The following GBA1 variants were observed in gnomAD, a reference collection of about 807,000 sequenced individuals.
GBA1 encodes glucosylceramidase beta 1.
chr1:155,236,772 T>C, the GBA1 span, among the ~76,000 whole-genome samples: 2 of 151,964 alleles, frequency 1.3e-5, no homozygotes, highest in African/African-American at 2.4e-5. Context: ...TGTGTGTGTA[T>C]GTATGTGTGT....
the GBA1 span, chr1:155,240,673 G>A: frequency 1.2e-6 from 2 of 1,613,696 alleles, no homozygotes; most frequent in South Asian, 1.1e-5. Context: ...ATCCTGTGAG[G>A]CTGCCAGCCA....
At chr1:155,235,919 T>A in the GBA1 span, 1 of 1,573,632 alleles carries the variant, frequency 6.4e-7, no homozygotes, top group Non-Finnish European at 8.7e-7. Flanking sequence ...AAGGGTCACA[T>A]GTGGGAGAGG....
the GBA1 span, chr1:155,240,057 T>C: frequency 2.2e-5 from 35 of 1,613,682 alleles, no homozygotes; most frequent in African/African-American, 2.0e-4. Flanking sequence ...CCGAAGCTTT[T>C]AGGGATGCAG....
At chr1:155,241,321 C>T in the GBA1 span, 37 of 630,192 alleles carry the variant, frequency 5.9e-5, no homozygotes, top group Admixed American at 7.3e-4. Flanking sequence ...GCAATCACAG[C>T]CATATTTCTA....
At chr1:155,236,504 A>T in the GBA1 span, 1 of 1,533,942 alleles carries the variant, frequency 6.5e-7, no homozygotes, top group Non-Finnish European at 9.0e-7. Flanking sequence ...TGGACCTTGC[A>T]CACAGGCTTC....
At chr1:155,236,542 T>C in the GBA1 span, 2 of 1,263,242 alleles carry the variant, frequency 1.6e-6, no homozygotes, top group African/African-American at 2.9e-5. Context: ...GTTGTAGGAA[T>C]CCTGGAGTTG....
the GBA1 span, chr1:155,239,736 G>A: frequency 6.2e-7 from 1 of 1,614,058 alleles, no homozygotes; most frequent in Non-Finnish European, 8.5e-7. Flanking sequence ...TGGAACTTCT[G>A]TTCTGGCTGC....
the GBA1 span, among the ~76,000 whole-genome samples, chr1:155,237,025 C>T: frequency 3.0e-5 from 4 of 132,144 alleles, no homozygotes; most frequent in Non-Finnish European, 6.3e-5. Context: ...CCATCATGCC[C>T]AGATAATTTT....
At chr1:155,240,190 G>C in the GBA1 span, 2 of 949,962 alleles carry the variant, frequency 2.1e-6, no homozygotes, top group Non-Finnish European at 3.2e-6. Context: ...TTGGCCGGGC[G>C]CAGGGGCTCA....
chr1:155,236,657 G>A, the GBA1 span, among the ~76,000 whole-genome samples: 3 of 152,046 alleles, frequency 2.0e-5, no homozygotes, highest in Admixed American at 6.5e-5. Flanking sequence ...GCGCAATCAC[G>A]ACTCACTGCA....
the GBA1 span, chr1:155,237,655 A>C: frequency 6.3e-7 from 1 of 1,590,644 alleles, no homozygotes; most frequent in Non-Finnish European, 8.6e-7. Context: ...TCACACCTGT[A>C]ATCCCAGCAC....
the GBA1 span, chr1:155,237,858 C>T: frequency 2.6e-5 from 17 of 655,688 alleles, no homozygotes; most frequent in African/African-American, 1.3e-4. Context: ...GTGAAGATGG[C>T]GCCACAGCAC....
At chr1:155,236,073 G>T in the GBA1 span, 72 of 749,672 alleles carry the variant, frequency 9.6e-5, no homozygotes, top group East Asian at 1.3e-3. Context: ...GGGCAATGAG[G>T]TGTGCAGACC....
the GBA1 span, chr1:155,235,922 G>A: frequency 6.4e-7 from 1 of 1,563,786 alleles, no homozygotes; most frequent in Non-Finnish European, 8.8e-7. Flanking sequence ...GGTCACATGT[G>A]GGAGAGGCAG....
the GBA1 span, chr1:155,239,570 G>A: frequency 1.6e-5 from 25 of 1,610,484 alleles, no homozygotes; most frequent in Admixed American, 5.0e-5. Context: ...AAAGAAAAAC[G>A]AAAAGTTTCA....
the GBA1 span, chr1:155,236,156 C>T: frequency 2.5e-5 from 29 of 1,164,848 alleles, no homozygotes; most frequent in Non-Finnish European, 3.5e-5. Flanking sequence ...CTGGGGAAAG[C>T]TGGACAGGAA....
chr1:155,241,672 G>A, the GBA1 span, among the ~76,000 whole-genome samples: 2 of 152,162 alleles, frequency 1.3e-5, no homozygotes, highest in South Asian at 2.1e-4. Context: ...AGACAGAAAC[G>A]GTAACAGGTG....
At chr1:155,236,220 A>C in the GBA1 span, 1 of 1,592,494 alleles carries the variant, frequency 6.3e-7, no homozygotes, top group East Asian at 2.2e-5. Flanking sequence ...TCTGCTTTGC[A>C]GGAAGGGAGA....
At chr1:155,241,653 TACAGATAAAG>T in the GBA1 span, among the ~76,000 whole-genome samples, 1 of 152,164 alleles carries the variant, frequency 6.6e-6, no homozygotes, top group East Asian at 1.9e-4. Context: ...CACAGATATT[TACAGATAAAG>T]ACAGAAACGG....
Sources: allele counts gnomAD v4.1 joint callset (sites outside exome capture counted in the v4.1 genomes callset), GRCh38; gene constraint gnomAD v4.1.1; transcripts MANE v1.5; gene names NCBI Gene and HGNC (gene_info 2026-07-23, HGNC 2026-07-21).